The following COL24A1 variants were observed in gnomAD, a reference collection of about 807,000 sequenced individuals.
The protein encoded by COL24A1 is collagen type XXIV alpha 1 chain, also known as collagen alpha-1(XXIV) chain.
In COL24A1, 224 loss-of-function variants were observed where a neutral mutation model predicts 253.9. That is an observed-to-expected ratio of 0.88 (90% confidence interval 0.79 to 0.99). The LOEUF (loss-of-function observed/expected upper bound fraction) is 0.99, where lower values mean the gene tolerates loss of function less well. COL24A1 is among the 50% of genes least tolerant of loss of function. The pLI is 0.00. For missense variants in COL24A1, 2,131 were observed against 2,068.5 expected, an observed-to-expected ratio of 1.03 and a Z score of -0.59; for synonymous variants, 685 against 673.7, an observed-to-expected ratio of 1.02 and a Z score of -0.26.
intron 28 of COL24A1, among the ~76,000 whole-genome samples, chr1:85,898,161 T>G (rs560430376): frequency 4.6e-5 from 7 of 152,182 alleles, no homozygotes; most frequent in Non-Finnish European, 1.0e-4. Flanking sequence ...TACAAATAAT[T>G]TGGCAGAAAA....
intron 42 of COL24A1, among the ~76,000 whole-genome samples, chr1:85,840,883 G>A (rs967488587): frequency 2.2e-4 from 34 of 152,164 alleles, no homozygotes; most frequent in South Asian, 8.3e-4. Context: ...AAATCTGAAT[G>A]TGATAATTAC....
intron 4 of COL24A1, among the ~76,000 whole-genome samples, chr1:86,113,313 C>A (rs927643135): frequency 9.9e-5 from 15 of 152,104 alleles, no homozygotes; most frequent in Non-Finnish European, 1.5e-4. Flanking sequence ...AACAGATCAC[C>A]CTCTCCAAGA....
chr1:85,803,445 A>G (rs1437738118), intron 47 of COL24A1, among the ~76,000 whole-genome samples: 1 of 142,898 alleles, frequency 7.0e-6, no homozygotes. Context: ...AAAAAAAAAA[A>G]CCATAAACAA....
chr1:85,795,170 C>T (rs952152556), intron 47 of COL24A1, among the ~76,000 whole-genome samples: 1 of 152,136 alleles, frequency 6.6e-6, no homozygotes, highest in Non-Finnish European at 1.5e-5. Context: ...ACTTTGACTT[C>T]CCTCTGGGAA....
intron 5 of COL24A1, among the ~76,000 whole-genome samples, chr1:86,095,166 C>T (rs1286479913): frequency 6.6e-6 from 1 of 151,844 alleles, no homozygotes; most frequent in African/African-American, 2.4e-5. Context: ...CGTTTAGATC[C>T]TATTTGAATT....
chr1:86,008,777 A>G (rs931637405), intron 19 of COL24A1, among the ~76,000 whole-genome samples: 3 of 152,202 alleles, frequency 2.0e-5, no homozygotes, highest in African/African-American at 7.2e-5. Flanking sequence ...CTAAAAAAAA[A>G]GAAACCATTA....
At chr1:86,084,491 C>A (rs1320127390) in intron 7 of COL24A1, among the ~76,000 whole-genome samples, 1 of 152,158 alleles carries the variant, frequency 6.6e-6, no homozygotes, top group Admixed American at 6.5e-5. Flanking sequence ...TTGCTAATCT[C>A]TTTAAGTAGT....
At chr1:85,798,200 TAA>T (rs5775871) in intron 47 of COL24A1, among the ~76,000 whole-genome samples, 3 of 139,042 alleles carry the variant, frequency 2.2e-5, no homozygotes, top group African/African-American at 5.4e-5. Context: ...CTGTCTCTAT[TAA>T]AAAAAAAAAA....
At chr1:85,928,023 G>A (rs1158075782) in intron 24 of COL24A1, among the ~76,000 whole-genome samples, 15 of 41,524 alleles carry the variant, frequency 3.6e-4, no homozygotes, top group African/African-American at 1.4e-3. Flanking sequence ...AACGCAGAGC[G>A]CCTCTCCTCC....
Position 85,971,331 on chromosome 1 carries a change from C to G in COL24A1, c.2418+9G>C. ...TGCTGAAGCTGACTGGATATCACTT[C>G]TTCCATACCTGAGTTCCTTTGAGAC... On this transcript the variant is annotated intron_variant, in intron 21 of 59. Transcript: ENST00000370571. The G allele has an allele frequency of 6.2e-7, 1 of 1,610,484 alleles. No homozygotes were observed. The highest frequency in any genetic ancestry group is 8.5e-7 in the Non-Finnish European group (1 of 1,178,538).
At position 85,927,140 on chromosome 1, in the gene COL24A1, G is replaced by C. The variant is rs146081698; in HGVS notation, c.2563-15707C>G. 3.5e-3 allele frequency among the ~76,000 whole-genome samples: 530 copies of C among 152,246 alleles called. 1 individual carries two copies. Among genetic ancestry groups the C allele is most frequent in the Admixed American group, 5.3e-3 (81 of 15,294 alleles). ...TCCCAGCGTGAGCGACGCAGAAGAC[G>C]GGTGATTTCTGCACTTCCATCTGAG... On this transcript the variant is annotated intron_variant, in intron 24 of 59. Transcript: ENST00000370571.
At chr1:85,883,192 G>A (rs1348732196) in intron 32 of COL24A1, among the ~76,000 whole-genome samples, 1 of 148,130 alleles carries the variant, frequency 6.8e-6, no homozygotes, top group South Asian at 2.2e-4. Flanking sequence ...AATGTTTTTG[G>A]CTTCTCATTT....
chr1:85,937,627 T>C (rs1386039618), intron 24 of COL24A1, among the ~76,000 whole-genome samples: 1 of 147,270 alleles, frequency 6.8e-6, no homozygotes, highest in Non-Finnish European at 1.5e-5. Context: ...GTAGAAGAGA[T>C]GGAAGGTATG....
At chr1:86,136,688 C>T (rs892468890) in intron 2 of COL24A1, among the ~76,000 whole-genome samples, 1 of 152,044 alleles carries the variant, frequency 6.6e-6, no homozygotes, top group Non-Finnish European at 1.5e-5. Context: ...GACTGCTCCA[C>T]CACACGACCT....
intron 53 of COL24A1, among the ~76,000 whole-genome samples, chr1:85,772,365 TA>T (rs1668074258): frequency 6.6e-6 from 1 of 151,756 alleles, no homozygotes; most frequent in African/African-American, 2.4e-5. Flanking sequence ...GGTGGGACTG[TA>T]AACTAGTTCA....
At chr1:86,110,340 C>T (rs1056859272) in intron 5 of COL24A1, among the ~76,000 whole-genome samples, 2 of 147,108 alleles carry the variant, frequency 1.4e-5, no homozygotes, top group African/African-American at 2.5e-5. Context: ...TTCTTCCATA[C>T]GTTTTCCTAT....
intron 7 of COL24A1, among the ~76,000 whole-genome samples, chr1:86,072,698 T>A (rs530743840): frequency 6.6e-6 from 1 of 152,208 alleles, no homozygotes; most frequent in Admixed American, 6.5e-5. Context: ...GGGAGACACC[T>A]CCCAGCAGGG....
intron 18 of COL24A1, among the ~76,000 whole-genome samples, chr1:86,018,354 G>A (rs1410389843): frequency 1.3e-5 from 2 of 152,172 alleles, no homozygotes; most frequent in Non-Finnish European, 2.9e-5. Context: ...ATTATGGAAA[G>A]GCTCATTTAA....
intron 47 of COL24A1, among the ~76,000 whole-genome samples, chr1:85,788,582 G>A (rs1349077900): frequency 6.6e-6 from 1 of 152,120 alleles, no homozygotes; most frequent in Non-Finnish European, 1.5e-5. Flanking sequence ...GATCCCATTT[G>A]TCAATTTTTG....
Sources: allele counts gnomAD v4.1 joint callset (sites outside exome capture counted in the v4.1 genomes callset), GRCh38; gene constraint gnomAD v4.1.1; transcripts MANE v1.5; gene names NCBI Gene and HGNC (gene_info 2026-07-23, HGNC 2026-07-21).